SCT: variants seen among roughly 807,000 people sequenced by gnomAD.
SCT encodes the protein prepro-secretin.
Under a neutral mutation model 10.9 loss-of-function variants are expected in SCT, and 17 were observed. The ratio of observed to expected loss-of-function variants is 1.55; its 90% CI spans 1.06 to 2.33. SCT has a LOEUF of 2.33. Ranked by LOEUF, SCT falls within the 30% of genes most tolerant of loss-of-function variation. The pLI is 0.00. For missense variants in SCT, 230 were observed against 165.9 expected (o/e 1.39, Z -2.12); for synonymous variants, 96 against 73.9 (o/e 1.30, Z -1.54).
chr11:626,826 TG>T (rs1432935180), intron 2 of SCT, 37 bp from the exon 3 acceptor site: 1 of 1,546,072 alleles, frequency 6.5e-7, no homozygotes. Context: ...GTCCTGGAGC[TG>T]GGGGGTCGCG....
chr11:626,538 G>A lies in SCT; in HGVS notation c.267-8C>T, dbSNP rs1291175055. 6.4e-7 allele frequency: 1 copy of A among 1,552,148 alleles called. No homozygotes were observed. Among genetic ancestry groups the A allele is most frequent in the East Asian group, 2.4e-5 (1 of 41,310 alleles). On this transcript the variant is annotated splice_region_variant and splice_polypyrimidine_tract_variant and intron_variant, in intron 3 of 3. Coordinates refer to ENST00000176195, the MANE Select transcript of SCT (RefSeq NM_021920.4). ...GTCCCGTCCAGGGGCATCCTGCAGAGACAGCACGTGAGGGTCTGAGGGCTG... is the reference window on the plus strand; with the variant it reads ...GTCCCGTCCAGGGGCATCCTGCAGAAACAGCACGTGAGGGTCTGAGGGCTG...
At position 626,774 on chromosome 11, in the gene SCT, C is replaced by A. The variant is rs1056363089; in HGVS notation, c.189G>T (p.Glu63Asp). The A allele has an allele frequency of 1.3e-6, 2 of 1,550,216 alleles. No individual in the cohort carries two copies. Among genetic ancestry groups the A allele is most frequent in the African/African-American group, 2.7e-5 (2 of 73,030 alleles). ...TGAGCCTGGTCCAGGCCATGCTGTTCTCTGCGTCCTGCTCGCTGCCCCCCG... is the reference window on the plus strand; with the variant it reads ...TGAGCCTGGTCCAGGCCATGCTGTTATCTGCGTCCTGCTCGCTGCCCCCCG... ...LVGKRSEQDA[E>D]NSMAWTRLSA... The change falls in exon 3 of 4, where the codon GAG (glutamate) becomes GAT (aspartate). Residue 63 changes from glutamate to aspartate, a missense_variant. Glu to Asp is a conservative substitution (Grantham distance 45). Transcript: ENST00000176195.
At position 626,938 on chromosome 11, in the gene SCT, C is replaced by T. The variant is rs917695741; in HGVS notation, c.123G>A (p.Arg41=). 42 of 1,535,962 alleles carry T rather than the reference C, an allele frequency of 2.7e-5. No homozygotes were observed. Among genetic ancestry groups the T allele is most frequent in the Non-Finnish European group, 3.1e-5 (36 of 1,146,064 alleles). ...GTFTSELSRL[R]EGARLQRLLQ... is the part of the protein sequence containing the mutation. The stretch of plus-strand genomic sequence containing the variant: ...GCAGCCGCTGGAGCCGCGCGCCCTC[C>T]CGCAGGCGGCTGAGCTCGCTGGTGA... The change falls in exon 2 of 4, where the codon CGG becomes CGA. Residue 41 remains arginine, a synonymous_variant. Transcript: ENST00000176195.
At chr11:626,645 AGGGGTCTGGGGTGGGGTCTGGAGT>A (rs1857755549) in intron 3 of SCT, 28 bp downstream of exon 3, 4 of 1,480,056 alleles carry the variant, frequency 2.7e-6, no homozygotes, top group Non-Finnish European at 3.7e-6. Context: ...GGACAGAAGG[AGGGGTCTGGGGTGGGGTCTGGAGT>A]GGGGTCTGCG....
chr11:626,987 G>A lies in SCT; in HGVS notation c.74C>T (p.Ala25Val). 2 of 1,442,330 alleles carry A rather than the reference G, an allele frequency of 1.4e-6. No individual in the cohort carries two copies. Among genetic ancestry groups the A allele is most frequent in the South Asian group, 1.2e-5 (1 of 82,486 alleles). The allele number at this position is 1,442,330 out of a possible 1,614,324, so 89.3% of individuals were successfully genotyped here. ...GAACGTCCCGTCTGAGTGTCGCCGGGCCCTGCGGGCGGTCGGGGGTCGGGG... is the reference window on the plus strand; with the variant it reads ...GAACGTCCCGTCTGAGTGTCGCCGGACCCTGCGGGCGGTCGGGGGTCGGGG... The part of the protein sequence containing the change: ...GSAARPAPPR[A>V]RRHSDGTFTS... Residue 25 changes from alanine (A) to valine (V), a missense_variant and splice_region_variant, in exon 2 of 4, where the codon GCC (alanine) becomes GTC (valine). Ala to Val is a moderately conservative substitution (Grantham distance 64). Transcript: ENST00000176195.
rs201054609 is a variant in SCT at position 626,738 on chromosome 11, C to T, written c.225G>A (p.Leu75=). ...GCATGTTGGACCCTGACGGGCAGAG[C>T]AGACCCGCGCTGAGCCTGGTCCAGG... is the stretch of plus-strand genomic sequence containing the variant. ...SMAWTRLSAG[L]LCPSGSNMPI... Residue 75 remains leucine (L), a synonymous_variant, in exon 3 of 4, where the codon CTG becomes CTA. Coordinates refer to ENST00000176195, the MANE Select transcript of SCT (RefSeq NM_021920.4). 2 of 1,550,532 alleles carry T rather than the reference C, an allele frequency of 1.3e-6. No individual in the cohort carries two copies. Among genetic ancestry groups the T allele is most frequent in the East Asian group, 2.4e-5 (1 of 40,912 alleles).
rs955632583 is a variant in SCT, at chr11:626,686, C to G, written c.266+11G>C. On this transcript the variant is annotated intron_variant, in intron 3 of 3. Transcript: ENST00000176195. ...GTCTGGAGTGGGGTCTGCGGTGGGGCGGGTGCTCACCAGGCCTGCAGGATG... is the reference window on the plus strand; with the variant it reads ...GTCTGGAGTGGGGTCTGCGGTGGGGGGGGTGCTCACCAGGCCTGCAGGATG... 7 of 1,540,690 alleles carry G rather than the reference C, an allele frequency of 4.5e-6. No individual in the cohort carries two copies. In the African/African-American group the frequency reaches 8.2e-5, roughly 18 times the overall value.
rs540127571 is a variant in SCT, at chr11:626,684, G to A, written c.266+13C>T. ...GGGTCTGGAGTGGGGTCTGCGGTGG[G>A]GCGGGTGCTCACCAGGCCTGCAGGA... On this transcript the variant is annotated intron_variant, in intron 3 of 3. Transcript: ENST00000176195. 1.8e-5 allele frequency: 27 copies of A among 1,541,626 alleles called. No homozygotes were observed. In the South Asian group the frequency reaches 3.1e-4, roughly 18 times the overall value.
In SCT at chr11:626,923, G is replaced by GA; in HGVS notation, c.137dup (p.Gln47ProfsTer?). 1.3e-6 allele frequency: 2 copies of GA among 1,538,218 alleles called. No homozygotes were observed. The highest frequency in any genetic ancestry group is 8.7e-7 in the Non-Finnish European group (1 of 1,146,106). On this transcript the variant is annotated frameshift_variant, in exon 2 of 4. Transcript: ENST00000176195. LOFTEE classifies it high-confidence loss of function. ...CCACCAGGCCCTGTAGCAGCCGCTGGAGCCGCGCGCCCTCCCGCAGGCGGC... is the reference window on the plus strand; with the variant it reads ...CCACCAGGCCCTGTAGCAGCCGCTGGAAGCCGCGCGCCCTCCCGCAGGCGGC...
rs773840382 is a variant in SCT at position 626,454 on chromosome 11, C to T, written c.343G>A (p.Glu115Lys). The T allele has an allele frequency of 1.9e-6, 3 of 1,554,834 alleles. No homozygotes were observed. The highest frequency in any genetic ancestry group is 2.6e-6 in the Non-Finnish European group (3 of 1,148,834). Residue 115 changes from glutamate to lysine, a missense_variant, in exon 4 of 4, where the codon GAA (glutamate) becomes AAA (lysine). Glu to Lys is a moderately conservative substitution (Grantham distance 56). Transcript: ENST00000176195. ...MVSEPAGAAA[E>K]GTLRPR Reference sequence around the variant, plus strand: ...CCTCATCTGGGCCGCAAGGTTCCTTCTGCAGCAGCGCCAGCTGGTTCTGAA... The same window carrying T: ...CCTCATCTGGGCCGCAAGGTTCCTTTTGCAGCAGCGCCAGCTGGTTCTGAA...
At chr11:626,849 G>A in intron 2 of SCT, 39 bp downstream of exon 2, 1 of 1,542,208 alleles carries the variant, frequency 6.5e-7, no homozygotes, top group South Asian at 1.2e-5. Context: ...GTTGCTGCTG[G>A]GGCACCACGC....
chr11:626,847 T>G (rs1234753749), intron 2 of SCT, 41 bp downstream of exon 2: 1 of 1,542,252 alleles, frequency 6.5e-7, no homozygotes, highest in African/African-American at 1.4e-5. Context: ...GCGTTGCTGC[T>G]GGGGCACCAC....
chr11:626,700 G>T lies in SCT; in HGVS notation c.263C>A (p.Ala88Asp). The T allele has an allele frequency of 6.5e-7, 1 of 1,547,756 alleles. No individual in the cohort carries two copies. The highest frequency in any genetic ancestry group is 8.7e-7 in the Non-Finnish European group (1 of 1,144,812). The change falls in exon 3 of 4, where the codon GCC becomes GAC. Residue 88 changes from alanine (A) to aspartate (D), a missense_variant. Coordinates refer to ENST00000176195, the MANE Select transcript of SCT (RefSeq NM_021920.4). The part of the protein sequence containing the change: ...PSGSNMPILQ[A>D]WMPLDGTWSP... The stretch of plus-strand genomic sequence containing the variant: ...CTGCGGTGGGGCGGGTGCTCACCAG[G>T]CCTGCAGGATGGGCATGTTGGACCC...
chr11:626,630 G>A, intron 3 of SCT, 67 bp downstream of exon 3: 1 of 1,479,772 alleles, frequency 6.8e-7, no homozygotes, highest in South Asian at 1.2e-5. Context: ...GACCCGGGGA[G>A]GCCAGGACAG....
In SCT at chr11:626,423, T is replaced by C. The variant is rs986961518; in HGVS notation, c.*8A>G. ...CTGGGCCGGGCAGGTGGTGAGGGGG[T>C]TCCTTCCTCATCTGGGCCGCAAGGT... is the stretch of plus-strand genomic sequence containing the variant. On this transcript the variant is annotated 3_prime_UTR_variant, in exon 4 of 4. Coordinates refer to ENST00000176195, the MANE Select transcript of SCT (RefSeq NM_021920.4). 1 of 1,547,508 alleles carries C rather than the reference T, an allele frequency of 6.5e-7. No individual in the cohort carries two copies.
rs1857796259 is a variant in SCT at position 627,132 on chromosome 11, C to T, written c.12G>A (p.Arg4=). 3.0e-6 allele frequency: 3 copies of T among 1,006,052 alleles called. No individual in the cohort carries two copies. 62.3% of individuals were successfully genotyped at this position (1,006,052 alleles called of 1,614,324 possible). Residue 4 remains arginine, a synonymous_variant, in exon 1 of 4, where the codon CGG becomes CGA. Transcript: ENST00000176195. ...GGAGCAGCAGCAGCAGCAGGAGGGGCCGGGGGGCCATGGCGGGGTCGGGGC... is the reference window on the plus strand; with the variant it reads ...GGAGCAGCAGCAGCAGCAGGAGGGGTCGGGGGGCCATGGCGGGGTCGGGGC... MAP[R]PLLLLLLLLG... is the part of the protein sequence containing the mutation.
chr11:626,744 C>G lies in SCT; in HGVS notation c.219G>C (p.Ala73=), dbSNP rs1857762976. The change falls in exon 3 of 4, where the codon GCG becomes GCC. Residue 73 remains alanine (A), a synonymous_variant. Coordinates refer to ENST00000176195, the MANE Select transcript of SCT (RefSeq NM_021920.4). ...TGGACCCTGACGGGCAGAGCAGACC[C>G]GCGCTGAGCCTGGTCCAGGCCATGC... ...ENSMAWTRLS[A]GLLCPSGSNM... 6.4e-7 allele frequency: 1 copy of G among 1,550,438 alleles called. No individual in the cohort carries two copies. The highest frequency in any genetic ancestry group is 8.7e-7 in the Non-Finnish European group (1 of 1,146,854).
chr11:626,808 CAG>C lies in SCT; in HGVS notation c.174-21_174-20del, dbSNP rs545184169. ...CTGCTCGCTGCCCCCCGCCCCAAAA[CAG>C]AGTTAGTCCTGGAGCTGGGGGGTCG... is the stretch of plus-strand genomic sequence containing the variant. On this transcript the variant is annotated intron_variant, in intron 2 of 3. Transcript: ENST00000176195. 3.7e-5 allele frequency: 58 copies of C among 1,548,630 alleles called. No homozygotes were observed. The highest frequency in any genetic ancestry group is 1.7e-4 in the South Asian group (14 of 83,934).
At position 626,501 on chromosome 11, in the gene SCT, C is replaced by T. The variant is rs1857744449; in HGVS notation, c.296G>A (p.Trp99Ter). 1 of 1,561,234 alleles carries T rather than the reference C, an allele frequency of 6.4e-7. No homozygotes were observed. Reference sequence around the variant, plus strand: ...TGAAACCATAGGCCCAGGGGGCAGCCAGGGAGACCAGGTCCCGTCCAGGGG... The same window carrying T: ...TGAAACCATAGGCCCAGGGGGCAGCTAGGGAGACCAGGTCCCGTCCAGGGG... ...WMPLDGTWSP[W>*]LPPGPMVSEP... Residue 99 changes from tryptophan to a stop codon, truncating the protein, a stop_gained, in exon 4 of 4, where the codon TGG (tryptophan) becomes TAG (stop). Transcript: ENST00000176195. LOFTEE classifies it low-confidence loss of function (END_TRUNC).
Sources: gnomAD v4.1 joint callset for allele counts on GRCh38, gnomAD v4.1.1 for gene constraint, MANE v1.5 for transcripts, NCBI Gene and HGNC (gene_info 2026-07-23, HGNC 2026-07-21) for gene names.